CENPQ: variants seen among roughly 807,000 people sequenced by gnomAD.
CENPQ encodes the protein centromere protein Q.
In CENPQ, 27 loss-of-function variants were observed where a neutral mutation model predicts 36.6. The observed-to-expected ratio is 0.74, with a 90% confidence interval of 0.54 to 1.02. The LOEUF is 1.02. Ranked by LOEUF, CENPQ falls within the 50% of genes least tolerant of loss-of-function variation. CENPQ has a pLI of 0.00. For synonymous variants in CENPQ, 101 were observed against 101.7 expected (o/e 0.99, Z 0.04); for missense variants, 306 against 301.8 (o/e 1.01, Z -0.10).
At chr6:49,489,197 T>C (rs1768662798) in intron 8 of CENPQ, among the ~76,000 whole-genome samples, 1 of 152,210 alleles carries the variant, frequency 6.6e-6, no homozygotes, top group South Asian at 2.1e-4. Context: ...GTTCTCTCAT[T>C]CCTTGTCACA....
rs1554162340 is a variant in CENPQ at position 49,472,843 on chromosome 6, A to G, written c.332A>G (p.Asn111Ser). ...KEKEEIQYHLNFLKKRLLQQC... is the reference protein window; with the variant it reads ...KEKEEIQYHLSFLKKRLLQQC... ...AAAGAAGAAATACAATACCATCTCA[A>G]CTTCCTGAAGAAAAGGTAATACTAT... is the stretch of plus-strand genomic sequence containing the variant. Residue 111 changes from asparagine (N) to serine (S), a missense_variant, in exon 5 of 9, where the codon AAC becomes AGC. By Grantham distance (46) the Asn-to-Ser change is conservative (BLOSUM62 1). Transcript: ENST00000335783. 3 of 1,447,568 alleles carry G rather than the reference A, an allele frequency of 2.1e-6. No homozygotes were observed. Among genetic ancestry groups the G allele is most frequent in the Non-Finnish European group, 1.9e-6 (2 of 1,066,910 alleles). The allele number at this position is 1,447,568 out of a possible 1,614,324, so 89.7% of individuals were successfully genotyped here.
intron 5 of CENPQ, among the ~76,000 whole-genome samples, chr6:49,475,721 C>G (rs1438059011): frequency 6.6e-6 from 1 of 152,150 alleles, no homozygotes; most frequent in African/African-American, 2.4e-5. Flanking sequence ...GCAACTTCAG[C>G]AAAATCTCAG....
chr6:49,483,040 G>T (rs1768480623), intron 6 of CENPQ, among the ~76,000 whole-genome samples: 1 of 152,124 alleles, frequency 6.6e-6, no homozygotes, highest in African/African-American at 2.4e-5. Context: ...CAGGCAGCCT[G>T]CTTTTAGTCT....
intron 8 of CENPQ, among the ~76,000 whole-genome samples, chr6:49,489,914 T>C (rs1412178666): frequency 6.6e-6 from 1 of 152,234 alleles, no homozygotes. Context: ...TGTACTGTCA[T>C]CCAGGCTTTG....
chr6:49,466,016 A>G (rs529983477), intron 1 of CENPQ, among the ~76,000 whole-genome samples: 2 of 152,288 alleles, frequency 1.3e-5, no homozygotes, highest in South Asian at 4.1e-4. Context: ...TTAAAGTGAG[A>G]GAGGTGTGAT....
At chr6:49,480,002 G>T (rs1768390824) in intron 5 of CENPQ, among the ~76,000 whole-genome samples, 1 of 152,106 alleles carries the variant, frequency 6.6e-6, no homozygotes, top group Non-Finnish European at 1.5e-5. Context: ...TACCTATCAG[G>T]TACTATGCTT....
At chr6:49,482,149 A>G (rs1768449329) in intron 6 of CENPQ, among the ~76,000 whole-genome samples, 1 of 151,942 alleles carries the variant, frequency 6.6e-6, no homozygotes, top group Non-Finnish European at 1.5e-5. Context: ...ACCCACCGGA[A>G]CTCCAGCTGG....
chr6:49,474,321 C>A (rs528848812), intron 5 of CENPQ, among the ~76,000 whole-genome samples: 30 of 152,324 alleles, frequency 2.0e-4, no homozygotes, highest in African/African-American at 6.7e-4. Flanking sequence ...AACTGTCTCT[C>A]AGACCACAGT....
At chr6:49,490,771 T>C (rs2092285143) in intron 8 of CENPQ, among the ~76,000 whole-genome samples, 1 of 152,152 alleles carries the variant, frequency 6.6e-6, no homozygotes, top group Non-Finnish European at 1.5e-5. Flanking sequence ...TCACAGGGAA[T>C]AGGGAGGCCC....
intron 6 of CENPQ, among the ~76,000 whole-genome samples, chr6:49,482,680 G>A (rs1055678536): frequency 9.2e-5 from 14 of 152,102 alleles, no homozygotes; most frequent in Non-Finnish European, 1.8e-4. Context: ...TGGTCTCACC[G>A]CTCGGCGATT....
chr6:49,465,169 G>T (rs1349602503), intron 1 of CENPQ, among the ~76,000 whole-genome samples: 6 of 152,148 alleles, frequency 3.9e-5, no homozygotes, highest in Non-Finnish European at 8.8e-5. Context: ...AGAGCTCTTG[G>T]GTGACCAAGT....
chr6:49,484,828 G>A (rs1012031817), intron 6 of CENPQ, among the ~76,000 whole-genome samples: 75 of 151,994 alleles, frequency 4.9e-4, no homozygotes, highest in African/African-American at 1.6e-3. Context: ...TTTCAGTATT[G>A]GCACTAGCTT....
chr6:49,485,219 G>A (rs1003660384), intron 6 of CENPQ, among the ~76,000 whole-genome samples: 27 of 152,164 alleles, frequency 1.8e-4, no homozygotes, highest in African/African-American at 6.5e-4. Flanking sequence ...GCAGCCTAGA[G>A]TCATTGCTGG....
At chr6:49,477,728 G>T (rs532149999) in intron 5 of CENPQ, among the ~76,000 whole-genome samples, 1 of 152,142 alleles carries the variant, frequency 6.6e-6, no homozygotes, top group Admixed American at 6.6e-5. Context: ...GAATCAGATG[G>T]GTTGGGTCAG....
intron 6 of CENPQ, among the ~76,000 whole-genome samples, chr6:49,483,332 C>A (rs1469682793): frequency 6.6e-6 from 1 of 152,142 alleles, no homozygotes; most frequent in East Asian, 1.9e-4. Context: ...AAGTCCCCAC[C>A]AGACTCAGGA....
At chr6:49,473,418 CTA>C (rs552896450) in intron 5 of CENPQ, among the ~76,000 whole-genome samples, 64 of 152,238 alleles carry the variant, frequency 4.2e-4, no homozygotes, top group African/African-American at 1.5e-3. Context: ...TTATAAGAAA[CTA>C]AGCTTCATAA....
chr6:49,466,111 G>A (rs963202007), intron 1 of CENPQ, among the ~76,000 whole-genome samples: 8 of 152,188 alleles, frequency 5.3e-5, no homozygotes, highest in Non-Finnish European at 8.8e-5. Flanking sequence ...AGGGAATAGG[G>A]AGGCCTAAGG....
rs376623099 is a variant in CENPQ, at chr6:49,472,057, C to T, written c.158-6C>T. On this transcript the variant is annotated splice_polypyrimidine_tract_variant and splice_region_variant and intron_variant, in intron 3 of 8. Transcript: ENST00000335783. ...TGATCAGAGCCTCTTCTATTACTAA[C>T]GACAGGACAAACAAAGCACACTAAC... 35 of 1,608,804 alleles carry T rather than the reference C, an allele frequency of 2.2e-5. No homozygotes were observed. The Admixed American group carries it at 3.5e-4, about 16-fold the overall frequency.
chr6:49,470,463 C>CA (rs1168890365), intron 2 of CENPQ, among the ~76,000 whole-genome samples, 185 bp downstream of exon 2: 6 of 149,616 alleles, frequency 4.0e-5, no homozygotes, highest in Admixed American at 3.3e-4. Flanking sequence ...AAAAAAAATA[C>CA]AAAAAATTAG....
Sources: gnomAD v4.1 joint callset for allele counts (sites outside exome capture counted in the v4.1 genomes callset) on GRCh38, gnomAD v4.1.1 for gene constraint, MANE v1.5 for transcripts, NCBI Gene and HGNC (gene_info 2026-07-23, HGNC 2026-07-21) for gene names.